Variants in FNBP1L observed in about 807,000 individuals in gnomAD.
The protein encoded by FNBP1L is formin-binding protein 1-like.
Under a neutral mutation model 91.2 loss-of-function variants are expected in FNBP1L, and 36 were observed. The ratio of observed to expected loss-of-function variants is 0.39; its 90% CI spans 0.30 to 0.52. The LOEUF is 0.52. Among genes scored for constraint, FNBP1L ranks in the 20% least tolerant of loss-of-function variants. The pLI, the probability that FNBP1L is intolerant of heterozygous loss-of-function variation, is 0.66. For missense variants in FNBP1L, 571 were observed against 732.1 expected, an observed-to-expected ratio of 0.78 and a Z score of 2.54; for synonymous variants, 242 against 237.0, an observed-to-expected ratio of 1.02 and a Z score of -0.19.
At chr1:93,513,819 A>G (rs1265808769) in intron 2 of FNBP1L, among the ~76,000 whole-genome samples, 1 of 152,166 alleles carries the variant, frequency 6.6e-6, no homozygotes, top group African/African-American at 2.4e-5. Context: ...TATCATACTG[A>G]ATGGGCAAAA....
At chr1:93,514,651 AAAAC>A (rs1183958756) in intron 2 of FNBP1L, among the ~76,000 whole-genome samples, 6 of 152,176 alleles carry the variant, frequency 3.9e-5, no homozygotes, top group South Asian at 2.1e-4. Context: ...AAACCTGAGA[AAAAC>A]AAGCATTGGG....
At chr1:93,492,699 A>G (rs1341454265) in intron 1 of FNBP1L, among the ~76,000 whole-genome samples, 1 of 152,082 alleles carries the variant, frequency 6.6e-6, no homozygotes, top group East Asian at 1.9e-4. Flanking sequence ...TATTTTTAAA[A>G]ATTAGCTTAA....
intron 1 of FNBP1L, among the ~76,000 whole-genome samples, chr1:93,456,489 G>A (rs1171152473): frequency 2.1e-4 from 32 of 151,514 alleles, no homozygotes; most frequent in Non-Finnish European, 1.5e-5. Flanking sequence ...TAGAAAAGGA[G>A]CCAGGTGCAG....
chr1:93,532,934 A>G lies in FNBP1L; in HGVS notation c.652A>G (p.Met218Val). The change falls in exon 8 of 17, where the codon ATG (methionine) becomes GTG (valine). Residue 218 changes from methionine to valine, a missense_variant. This residue lies in a region of FNBP1L where 220 missense variants were observed against 313.6 expected (regional missense o/e 0.70). Coordinates refer to ENST00000271234, the MANE Select transcript of FNBP1L (RefSeq NM_001164473.3). Reference sequence around the variant, plus strand: ...TCTTGATTATTAGCAACTACAAGAAATGGACGAACGAAGGACTATTAAACT... The same window carrying G: ...TCTTGATTATTAGCAACTACAAGAAGTGGACGAACGAAGGACTATTAAACT... ...IPQIYKQLQEMDERRTIKLSE... is the reference protein window; with the variant it reads ...IPQIYKQLQEVDERRTIKLSE... 5 of 1,601,496 alleles carry G rather than the reference A, an allele frequency of 3.1e-6. No homozygotes were observed. Among genetic ancestry groups the G allele is most frequent in the Non-Finnish European group, 4.3e-6 (5 of 1,173,536 alleles).
chr1:93,547,502 A>G, intron 14 of FNBP1L, 61 bp downstream of exon 14: 1 of 1,393,268 alleles, frequency 7.2e-7, no homozygotes, highest in East Asian at 2.5e-5. Context: ...CTTTTGTCCT[A>G]AACTTTATAC....
intron 1 of FNBP1L, among the ~76,000 whole-genome samples, chr1:93,474,577 G>T (rs1669427862): frequency 6.6e-6 from 1 of 152,180 alleles, no homozygotes; most frequent in South Asian, 2.1e-4. Flanking sequence ...CACACATCCT[G>T]GTTCTTTTGA....
At chr1:93,449,881 T>A (rs1668428302) in intron 1 of FNBP1L, among the ~76,000 whole-genome samples, 1 of 152,150 alleles carries the variant, frequency 6.6e-6, no homozygotes, top group African/African-American at 2.4e-5. Context: ...TGGGTATAGT[T>A]TTATTTTAAA....
At chr1:93,533,477 G>T (rs1042768735) in intron 8 of FNBP1L, among the ~76,000 whole-genome samples, 2 of 152,140 alleles carry the variant, frequency 1.3e-5, no homozygotes, top group African/African-American at 2.4e-5. Context: ...TGAGGAGGAG[G>T]AAGGAGGGCA....
At chr1:93,476,115 A>G (rs756182669) in intron 1 of FNBP1L, among the ~76,000 whole-genome samples, 12 of 152,196 alleles carry the variant, frequency 7.9e-5, no homozygotes, top group Non-Finnish European at 1.8e-4. Flanking sequence ...TTGGTATGTT[A>G]GTGCATTAAA....
At chr1:93,547,894 G>A (rs1460753189) in intron 14 of FNBP1L, among the ~76,000 whole-genome samples, 3 of 152,086 alleles carry the variant, frequency 2.0e-5, no homozygotes, top group African/African-American at 7.2e-5. Flanking sequence ...TTTCTTTCTT[G>A]ATGTATTATA....
intron 1 of FNBP1L, among the ~76,000 whole-genome samples, chr1:93,456,005 C>T (rs1668645717): frequency 6.6e-6 from 1 of 152,222 alleles, no homozygotes; most frequent in Non-Finnish European, 1.5e-5. Context: ...TGGGGGTACA[C>T]CCCTCTAGTC....
chr1:93,531,371 G>A (rs1181536164), intron 7 of FNBP1L, among the ~76,000 whole-genome samples: 1 of 152,192 alleles, frequency 6.6e-6, no homozygotes, highest in Non-Finnish European at 1.5e-5. Flanking sequence ...AATCCTGTCT[G>A]TCATCACTTG....
At chr1:93,509,958 C>T (rs1557799822) in intron 2 of FNBP1L, among the ~76,000 whole-genome samples, 1 of 152,196 alleles carries the variant, frequency 6.6e-6, no homozygotes, top group Non-Finnish European at 1.5e-5. Flanking sequence ...CTCGGAGGGT[C>T]CTACGCCCAC....
chr1:93,541,928 G>C (rs148918196), intron 11 of FNBP1L, among the ~76,000 whole-genome samples: 42 of 151,974 alleles, frequency 2.8e-4, no homozygotes, highest in African/African-American at 9.9e-4. Context: ...TTGAGAACAG[G>C]GTTTGATAAG....
intron 1 of FNBP1L, among the ~76,000 whole-genome samples, chr1:93,471,203 C>T (rs1282545232): frequency 6.6e-6 from 1 of 152,038 alleles, no homozygotes; most frequent in Non-Finnish European, 1.5e-5. Flanking sequence ...GTTGAGCATT[C>T]CTAATCAGAA....
At chr1:93,509,326 A>T (rs545379577) in intron 2 of FNBP1L, among the ~76,000 whole-genome samples, 7 of 152,174 alleles carry the variant, frequency 4.6e-5, no homozygotes, top group Non-Finnish European at 8.8e-5. Context: ...TTCAGCAGAG[A>T]ATGAGGGAGC....
At chr1:93,448,660 C>G in intron 1 of FNBP1L, among the ~76,000 whole-genome samples, 1 of 152,150 alleles carries the variant, frequency 6.6e-6, no homozygotes. Flanking sequence ...CCCGGCGGCT[C>G]CTCTCTTCCT....
chr1:93,545,547 A>T (rs1337998391), intron 12 of FNBP1L, among the ~76,000 whole-genome samples: 2 of 152,184 alleles, frequency 1.3e-5, no homozygotes, highest in East Asian at 3.8e-4. Flanking sequence ...GACTTGTGAA[A>T]AATTCTGAAT....
Position 93,472,736 on chromosome 1 carries a change from CG to C in FNBP1L, c.24+24434del, listed in dbSNP as rs1669336306. Among the ~76,000 whole-genome samples the C allele has an allele frequency of 4.6e-5, 6 of 131,170 alleles. No homozygotes were observed. The Admixed American group carries it at 5.7e-4, about 12-fold the overall frequency. 86.1% of individuals were successfully genotyped at this position (131,170 alleles called of 152,430 possible). A position where few individuals can be genotyped will look rare whatever the true frequency, so the allele number is the denominator to read the frequency against. On this transcript the variant is annotated intron_variant, in intron 1 of 16. Transcript: ENST00000271234. ...CTGAGGCAGGAGAATAGTGTGAACC[CG>C]GGAGGCGGAGCTTGCAGTGAGCCGA...
Sources: allele counts gnomAD v4.1 joint callset (sites outside exome capture counted in the v4.1 genomes callset), GRCh38; gene constraint gnomAD v4.1.1; regional missense constraint gnomAD v4.1.1; transcripts MANE v1.5; gene names NCBI Gene and HGNC (gene_info 2026-07-23, HGNC 2026-07-21).